Variants in MGAT5 observed in about 807,000 individuals in gnomAD.
MGAT5 encodes alpha-1,6-mannosylglycoprotein 6-beta-N-acetylglucosaminyltransferase A.
In MGAT5, 30 loss-of-function variants were observed where a neutral mutation model predicts 94.3. The observed-to-expected ratio is 0.32, with a 90% CI of 0.24 to 0.43. The LOEUF is 0.43. Ranked by LOEUF, MGAT5 falls within the 20% of genes least tolerant of loss-of-function variation. The pLI is 1.00. For missense variants in MGAT5, 691 were observed against 905.5 expected (o/e 0.76, Z 3.04); for synonymous variants, 310 against 322.9 (o/e 0.96, Z 0.43).
Position 134,362,323 on chromosome 2 carries a change from T to G in MGAT5, c.1295T>G (p.Leu432Arg). The G allele has an allele frequency of 6.2e-7, 1 of 1,614,052 alleles. No individual in the cohort carries two copies. Among genetic ancestry groups the G allele is most frequent in the Non-Finnish European group, 8.5e-7 (1 of 1,179,914 alleles). Residue 432 changes from leucine (L) to arginine (R), a missense_variant, in exon 10 of 16, where the codon CTG becomes CGG. Coordinates refer to ENST00000281923, the MANE Select transcript of MGAT5 (RefSeq NM_002410.5). ...CTGGGGTTTGTGGTTGAGCAGCACC[T>G]GAACTCCAGTGATATCCACCACATT... is the stretch of plus-strand genomic sequence containing the variant. The part of the protein sequence containing the change: ...SFLGFVVEQH[L>R]NSSDIHHINE...
At chr2:134,280,914 G>A (rs896738213) in intron 2 of MGAT5, among the ~76,000 whole-genome samples, 3 of 152,342 alleles carry the variant, frequency 2.0e-5, no homozygotes, top group East Asian at 1.9e-4. Context: ...CAGATGGTCA[G>A]TGCTTAATGG....
At chr2:134,182,222 A>G (rs1047768112) in intron 1 of MGAT5, among the ~76,000 whole-genome samples, 2 of 152,202 alleles carry the variant, frequency 1.3e-5, no homozygotes, top group African/African-American at 4.8e-5. Context: ...TGATTATTAG[A>G]AATAATTTTG....
chr2:134,409,560 T>C (rs1175673605), intron 11 of MGAT5, among the ~76,000 whole-genome samples: 8 of 152,150 alleles, frequency 5.3e-5, no homozygotes, highest in African/African-American at 1.9e-4. Context: ...GATTCATTGC[T>C]CAGTTTCCCT....
intron 7 of MGAT5, among the ~76,000 whole-genome samples, chr2:134,343,649 A>G (rs1196381673): frequency 2.0e-5 from 3 of 152,220 alleles, no homozygotes; most frequent in African/African-American, 7.2e-5. Flanking sequence ...GGACACAGCC[A>G]TAAGTATTTT....
intron 10 of MGAT5, among the ~76,000 whole-genome samples, chr2:134,372,375 A>C (rs1169801151): frequency 1.3e-5 from 2 of 152,170 alleles, no homozygotes; most frequent in East Asian, 3.8e-4. Context: ...GGTGCAAAAC[A>C]TGGTTATGGG....
intron 14 of MGAT5, among the ~76,000 whole-genome samples, chr2:134,437,448 T>G (rs1685224018): frequency 6.6e-6 from 1 of 152,176 alleles, no homozygotes; most frequent in Admixed American, 6.5e-5. Context: ...TTCCACAGTT[T>G]TCTTGCCAGC....
chr2:134,373,486 G>T (rs1680949016), intron 10 of MGAT5, among the ~76,000 whole-genome samples: 1 of 152,226 alleles, frequency 6.6e-6, no homozygotes, highest in South Asian at 2.1e-4. Context: ...AGATTTATAA[G>T]AATGAGGTAA....
intron 1 of MGAT5, among the ~76,000 whole-genome samples, chr2:134,263,956 A>G (rs1368933748): frequency 6.7e-6 from 1 of 150,060 alleles, no homozygotes. Flanking sequence ...ATATGTGTAT[A>G]TATGTACATG....
intron 5 of MGAT5, 38 bp downstream of exon 5, chr2:134,336,326 T>A: frequency 6.5e-7 from 1 of 1,535,066 alleles, no homozygotes; most frequent in South Asian, 1.1e-5. Context: ...GACTTGTGCA[T>A]TTAGGTCAGA....
At chr2:134,321,977 A>G (rs1398900925) in intron 4 of MGAT5, among the ~76,000 whole-genome samples, 1 of 152,140 alleles carries the variant, frequency 6.6e-6, no homozygotes, top group African/African-American at 2.4e-5. Flanking sequence ...TTGAAGGAGA[A>G]TGTCACCAAT....
intron 11 of MGAT5, among the ~76,000 whole-genome samples, chr2:134,412,068 A>T (rs575085624): frequency 1.5e-4 from 23 of 152,212 alleles, no homozygotes; most frequent in Admixed American, 1.2e-3. Flanking sequence ...GTGAGCAGTT[A>T]TTTCATTTTT....
intron 1 of MGAT5, among the ~76,000 whole-genome samples, chr2:134,192,649 T>G (rs1679285314): frequency 6.6e-6 from 1 of 152,172 alleles, no homozygotes; most frequent in Non-Finnish European, 1.5e-5. Flanking sequence ...GACTATTGCA[T>G]TACTTTTTAA....
chr2:134,424,351 G>T (rs1307836395), intron 13 of MGAT5, among the ~76,000 whole-genome samples: 1 of 152,198 alleles, frequency 6.6e-6, no homozygotes, highest in Non-Finnish European at 1.5e-5. Context: ...GCACTCCGAT[G>T]CATTATCTGT....
At chr2:134,434,207 G>A (rs1408528721) in intron 14 of MGAT5, among the ~76,000 whole-genome samples, 3 of 152,174 alleles carry the variant, frequency 2.0e-5, no homozygotes, top group Non-Finnish European at 4.4e-5. Flanking sequence ...GGCCCCTTCT[G>A]TATTTTTATG....
chr2:134,238,535 G>T (rs1177413113), intron 1 of MGAT5, among the ~76,000 whole-genome samples: 1 of 152,186 alleles, frequency 6.6e-6, no homozygotes, highest in Non-Finnish European at 1.5e-5. Context: ...TCAGCTATAA[G>T]ACTTTTCTGG....
intron 15 of MGAT5, among the ~76,000 whole-genome samples, chr2:134,446,245 A>G (rs1685767155): frequency 6.6e-6 from 1 of 151,918 alleles, no homozygotes; most frequent in Non-Finnish European, 1.5e-5. Flanking sequence ...GTGTGCTTCT[A>G]CCCCGGGAGA....
At chr2:134,434,235 C>T (rs1685047210) in intron 14 of MGAT5, among the ~76,000 whole-genome samples, 1 of 152,240 alleles carries the variant, frequency 6.6e-6, no homozygotes, top group South Asian at 2.1e-4. Context: ...CCCCAGGCTG[C>T]TAATTAATTA....
At chr2:134,282,539 A>C (rs1044676427) in intron 2 of MGAT5, among the ~76,000 whole-genome samples, 6 of 152,358 alleles carry the variant, frequency 3.9e-5, no homozygotes, top group African/African-American at 1.4e-4. Flanking sequence ...AGTAGCTGTT[A>C]TTCTACCACC....
intron 1 of MGAT5, among the ~76,000 whole-genome samples, chr2:134,198,552 T>A (rs564129860): frequency 1.3e-5 from 2 of 152,346 alleles, no homozygotes; most frequent in South Asian, 4.1e-4. Context: ...CAAGCTGGAA[T>A]TCCGTTGGTG....
Sources: gnomAD v4.1 joint callset for allele counts (sites outside exome capture counted in the v4.1 genomes callset) on GRCh38, gnomAD v4.1.1 for gene constraint, MANE v1.5 for transcripts, NCBI Gene and HGNC (gene_info 2026-07-23, HGNC 2026-07-21) for gene names.